Variants in AP2A1 observed in about 807,000 individuals in gnomAD.
AP2A1 encodes AP-2 complex subunit alpha-1.
Under a neutral mutation model 107.3 loss-of-function variants are expected in AP2A1, and 21 were observed. That is an observed-to-expected ratio of 0.20 (90% confidence interval 0.14 to 0.28). The LOEUF is 0.28. AP2A1 is among the 10% of genes least tolerant of loss of function. The pLI is 1.00. For missense variants in AP2A1, 873 were observed against 1,307.7 expected (o/e 0.67, Z 5.13); for synonymous variants, 602 against 564.8 (o/e 1.07, Z -0.93).
At chr19:49,779,394 C>T (rs866731316) in intron 1 of AP2A1, among the ~76,000 whole-genome samples, 6 of 140,436 alleles carry the variant, frequency 4.3e-5, no homozygotes, top group Admixed American at 3.2e-4. Flanking sequence ...GTAGTCCCAG[C>T]GACTTTGGAG....
chr19:49,772,389 G>A (rs1347630413), intron 1 of AP2A1, among the ~76,000 whole-genome samples: 1 of 150,730 alleles, frequency 6.6e-6, no homozygotes, highest in African/African-American at 2.4e-5. Flanking sequence ...TGTTGCCCGG[G>A]CTGGTCTCAA....
intron 18 of AP2A1, chr19:49,804,787 G>GC (rs1195426378): frequency 6.6e-6 from 1 of 152,164 alleles, no homozygotes; most frequent in Non-Finnish European, 1.5e-5. Flanking sequence ...TCGCTATGTT[G>GC]CCCAGGCTGG....
intron 1 of AP2A1, among the ~76,000 whole-genome samples, chr19:49,776,618 T>C (rs1377838997): frequency 6.9e-6 from 1 of 144,658 alleles, no homozygotes; most frequent in South Asian, 2.2e-4. Flanking sequence ...CCTGTGACAG[T>C]GAGCTCATTC....
At chr19:49,789,535 C>G (rs1371245875) in intron 4 of AP2A1, among the ~76,000 whole-genome samples, 1 of 151,960 alleles carries the variant, frequency 6.6e-6, no homozygotes, top group African/African-American at 2.4e-5. Flanking sequence ...AGGTGATCCA[C>G]CTGCCTCAGC....
At chr19:49,803,618 C>A in intron 18 of AP2A1, 1 of 545,294 alleles carries the variant, frequency 1.8e-6, no homozygotes, top group Non-Finnish European at 3.3e-6. Context: ...CTCCAGGCCT[C>A]ATTTTGTCCC....
chr19:49,771,132 T>G (rs1332365623), intron 1 of AP2A1, among the ~76,000 whole-genome samples: 1 of 151,758 alleles, frequency 6.6e-6, no homozygotes, highest in Non-Finnish European at 1.5e-5. Flanking sequence ...ATTACAGGTG[T>G]GAGCTACCAT....
rs1299833317 is a variant in AP2A1 at position 49,806,160 on chromosome 19, C to T, written c.2697C>T (p.Pro899=). 3.2e-6 allele frequency: 5 copies of T among 1,578,138 alleles called. No individual in the cohort carries two copies. The highest frequency in any genetic ancestry group is 4.3e-6 in the Non-Finnish European group (5 of 1,162,690). ...FGSALLDNVD[P]NPENFVGAGI... The stretch of plus-strand genomic sequence containing the variant: ...CTGCTCTCCTGGACAATGTGGACCC[C>T]AACCCTGAGAACTTCGTGGGGGCGG... Residue 899 remains proline (P), a synonymous_variant, in exon 22 of 23, where the codon CCC becomes CCT. Transcript: ENST00000354293.
chr19:49,801,811 C>T lies in AP2A1; in HGVS notation c.1875C>T (p.Gly625=). 6.4e-7 allele frequency: 1 copy of T among 1,552,628 alleles called. No individual in the cohort carries two copies. Among genetic ancestry groups the T allele is most frequent in the Non-Finnish European group, 8.7e-7 (1 of 1,153,078 alleles). Residue 625 remains glycine (G), a synonymous_variant, in exon 14 of 23, where the codon GGC becomes GGT. Coordinates refer to ENST00000354293, the MANE Select transcript of AP2A1 (RefSeq NM_130787.3). ...KLKRKKGPGA[G]SALDDGRRDP... The stretch of plus-strand genomic sequence containing the variant: ...AACGCAAGAAGGGGCCAGGGGCCGG[C>T]AGCGCCCTGGACGATGGCCGGAGGG...
At chr19:49,799,905 T>C in intron 10 of AP2A1, 63 bp from the exon 11 acceptor site, 1 of 1,589,352 alleles carries the variant, frequency 6.3e-7, no homozygotes, top group South Asian at 1.1e-5. Flanking sequence ...TGAGCCCAGA[T>C]CCAGGTGAGT....
chr19:49,802,526 T>C (rs762526053), intron 15 of AP2A1: 1 of 1,604,582 alleles, frequency 6.2e-7, no homozygotes, highest in East Asian at 2.2e-5. Context: ...TGGGATTGGA[T>C]GGCTCAGCGA....
In AP2A1 at chr19:49,802,045, C is replaced by T. The variant is rs769149667; in HGVS notation, c.2018C>T (p.Pro673Leu). 15 of 1,579,928 alleles carry T rather than the reference C, an allele frequency of 9.5e-6. 1 individual carries two copies. The highest frequency in any genetic ancestry group is 2.3e-5 in the South Asian group (2 of 87,744). Residue 673 changes from proline to leucine, a missense_variant, in exon 15 of 23, where the codon CCG (proline) becomes CTG (leucine). Pro to Leu is a moderately conservative substitution (Grantham distance 98, BLOSUM62 -3). Coordinates refer to ENST00000354293, the MANE Select transcript of AP2A1 (RefSeq NM_130787.3). ...LRAAPPPAAP[P>L]ASAGAGNLLV... The stretch of plus-strand genomic sequence containing the variant: ...GCAGCCCCTCCCCCGGCAGCACCCC[C>T]GGCTTCTGCAGGAGCAGGGAACCTT...
At chr19:49,774,145 G>T (rs903845148) in intron 1 of AP2A1, among the ~76,000 whole-genome samples, 2 of 152,206 alleles carry the variant, frequency 1.3e-5, no homozygotes, top group Admixed American at 6.5e-5. Flanking sequence ...CGGGACAGAT[G>T]CAGGCCTGAG....
chr19:49,802,313 T>G, intron 15 of AP2A1, 172 bp downstream of exon 15: 1 of 818,282 alleles, frequency 1.2e-6, no homozygotes, highest in Non-Finnish European at 2.0e-6. Context: ...GCCTCCCTGC[T>G]CACGCCCTCC....
At chr19:49,797,851 CAGA>C (rs35126566) in intron 7 of AP2A1, among the ~76,000 whole-genome samples, 15,243 of 152,208 alleles carry the variant, frequency 0.1, 847 homozygotes, top group East Asian at 0.15. Flanking sequence ...GAGGCTGAGG[CAGA>C]AGGATCGCTT....
At chr19:49,784,975 G>T (rs1245041549) in intron 4 of AP2A1, among the ~76,000 whole-genome samples, 1 of 152,214 alleles carries the variant, frequency 6.6e-6, no homozygotes, top group Non-Finnish European at 1.5e-5. Context: ...AGAATTAGTG[G>T]CCTGGCAGTA....
chr19:49,774,833 C>A (rs899200263), intron 1 of AP2A1, among the ~76,000 whole-genome samples: 1 of 151,668 alleles, frequency 6.6e-6, no homozygotes, highest in Non-Finnish European at 1.5e-5. Flanking sequence ...GCAGGAGAAT[C>A]GCTTGAACCC....
intron 6 of AP2A1, among the ~76,000 whole-genome samples, chr19:49,793,562 G>T (rs1213744933): frequency 6.6e-6 from 1 of 152,106 alleles, no homozygotes; most frequent in African/African-American, 2.4e-5. Context: ...CATCCCCTGA[G>T]GCCTTGTGCA....
intron 1 of AP2A1, among the ~76,000 whole-genome samples, chr19:49,775,563 C>T (rs948635451): frequency 2.0e-5 from 3 of 152,164 alleles, no homozygotes; most frequent in African/African-American, 7.2e-5. Flanking sequence ...GATCCACCTG[C>T]CTCGGCCTCC....
rs2073314034 is a variant in AP2A1 at position 49,803,176 on chromosome 19, C to T, written c.2241C>T (p.Phe747=). 6.2e-7 allele frequency: 1 copy of T among 1,613,836 alleles called. No homozygotes were observed. The highest frequency in any genetic ancestry group is 1.7e-5 in the Admixed American group (1 of 60,004). ...TGCAGATCGGAGTCAAGTCAGAGTT[C>T]CGACAGAACCTGGGTGTGTCCCGGG... ...QLLQIGVKSE[F]RQNLGRMYLF... The change falls in exon 17 of 23, where the codon TTC becomes TTT. Residue 747 remains phenylalanine, a synonymous_variant. Transcript: ENST00000354293.
Sources: allele counts gnomAD v4.1 joint callset (sites outside exome capture counted in the v4.1 genomes callset), GRCh38; gene constraint gnomAD v4.1.1; transcripts MANE v1.5; gene names NCBI Gene and HGNC (gene_info 2026-07-23, HGNC 2026-07-21).